NALF2: variants seen among roughly 807,000 people sequenced by gnomAD.
NALF2 encodes the protein bB57D9.1 (TED protein).
In NALF2, 1 loss-of-function variant was observed where a neutral mutation model predicts 24.8. The observed-to-expected ratio is 0.04, with a 90% CI of 0.01 to 0.19. The LOEUF is 0.19. Among genes scored for constraint, NALF2 ranks in the 10% least tolerant of loss-of-function variants. The pLI, the probability that NALF2 is intolerant of heterozygous loss-of-function variation, is 1.00. For missense variants in NALF2, 458 were observed against 409.6 expected (o/e 1.12, Z -1.02); for synonymous variants, 254 against 189.8 (o/e 1.34, Z -2.78).
chrX:69,517,280 A>G (rs1195355174), intron 1 of NALF2, among the ~76,000 whole-genome samples: 1 of 112,155 alleles, frequency 8.9e-6, no homozygotes, highest in South Asian at 3.8e-4. Context: ...GAAGCATGCT[A>G]ATCTCTTAAG....
Position 69,529,043 on chromosome X carries a change from G to T in NALF2, c.912G>T (p.Gln304His). 1 of 1,211,193 alleles carries T rather than the reference G, an allele frequency of 8.3e-7. No individual in the cohort carries two copies. The highest frequency in any genetic ancestry group is 1.1e-6 in the Non-Finnish European group (1 of 895,111). The change falls in exon 2 of 3, where the codon CAG (glutamine) becomes CAT (histidine). Residue 304 changes from glutamine (Q) to histidine (H), a missense_variant. Physicochemically the swap from Gln to His is conservative, Grantham distance 24. Coordinates refer to ENST00000252338, the MANE Select transcript of NALF2 (RefSeq NM_015686.3). ...CAGAATACTTCAGCGTGACCCAGCA[G>T]GAATGCCAGCGCTGGGTGCCCTGCA... Reference protein sequence around the residue: ...LCSEYFSVTQQECQRWVPCKQ... With the variant: ...LCSEYFSVTQHECQRWVPCKQ...
chrX:69,529,978 C>G lies in NALF2; in HGVS notation c.*22C>G, dbSNP rs1251748722. The G allele has an allele frequency of 4.5e-6, 5 of 1,111,588 alleles. No individual in the cohort carries two copies. The highest frequency in any genetic ancestry group is 6.0e-6 in the Non-Finnish European group (5 of 827,454). 91.6% of individuals were successfully genotyped at this position (1,111,588 alleles called of 1,213,427 possible). On this transcript the variant is annotated 3_prime_UTR_variant, in exon 3 of 3. Transcript: ENST00000252338. ...GTGACAGTAGGGAGGGAGGACAGAC[C>G]TCCACCACACTGACATCAGCTCCAG...
At chrX:69,506,903 G>T (rs1319802980) in intron 1 of NALF2, among the ~76,000 whole-genome samples, 1 of 112,595 alleles carries the variant, frequency 8.9e-6, no homozygotes, top group African/African-American at 3.2e-5. Flanking sequence ...TAGCTGCTGG[G>T]GATAGGTATC....
Position 69,505,111 on chromosome X carries a change from G to A in NALF2, c.-172G>A, listed in dbSNP as rs1930435600. ...CGCGGAGACGGCACCAGAGCGCCCC[G>A]CGACTCCGGCCTGAGCGGGGCATCG... On this transcript the variant is annotated 5_prime_UTR_variant, in exon 1 of 3. Transcript: ENST00000252338. The A allele has an allele frequency of 3.1e-6, 1 of 318,953 alleles. No individual in the cohort carries two copies. The highest frequency in any genetic ancestry group is 5.0e-6 in the Non-Finnish European group (1 of 199,890). The allele number at this position is 318,953 out of a possible 1,213,427, so 26.3% of individuals were successfully genotyped here.
intron 1 of NALF2, 136 bp downstream of exon 1, chrX:69,506,279 G>A: frequency 1.5e-6 from 1 of 662,383 alleles, no homozygotes; most frequent in Non-Finnish European, 2.2e-6. Flanking sequence ...CACTACCAGT[G>A]CCACCCTGGG....
intron 1 of NALF2, among the ~76,000 whole-genome samples, chrX:69,508,807 C>A (rs182214062): frequency 1.1e-4 from 12 of 112,079 alleles, no homozygotes; most frequent in Non-Finnish European, 2.1e-4. Context: ...GGGATCCCTG[C>A]GAGATGACGC....
intron 1 of NALF2, among the ~76,000 whole-genome samples, 174 bp downstream of exon 1, chrX:69,506,317 A>T (rs980095269): frequency 8.9e-6 from 1 of 112,571 alleles, no homozygotes; most frequent in African/African-American, 3.2e-5. Context: ...GGCCTCAGGG[A>T]TTCAGGTCAG....
intron 1 of NALF2, among the ~76,000 whole-genome samples, chrX:69,521,827 G>A (rs1323053127): frequency 8.9e-6 from 1 of 111,969 alleles, no homozygotes. Flanking sequence ...TCATATAGTT[G>A]TCTCCCCTGC....
intron 1 of NALF2, among the ~76,000 whole-genome samples, chrX:69,517,100 G>A: frequency 9.0e-6 from 1 of 111,448 alleles, no homozygotes; most frequent in East Asian, 2.8e-4. Context: ...GAGTATAAGA[G>A]TTTAGACACC....
At position 69,530,020 on chromosome X, in the gene NALF2, G is replaced by A; in HGVS notation, c.*64G>A. ...CAGCTCCAGCTCCCCCAGGTTGGGG[G>A]GGAGGGGGCTCCTCCCATGGGAGGT... On this transcript the variant is annotated 3_prime_UTR_variant, in exon 3 of 3. Transcript: ENST00000252338. 3.3e-6 allele frequency: 3 copies of A among 919,447 alleles called. No individual in the cohort carries two copies. The highest frequency in any genetic ancestry group is 3.0e-6 in the Non-Finnish European group (2 of 673,813). 75.8% of individuals were successfully genotyped at this position (919,447 alleles called of 1,213,427 possible).
intron 1 of NALF2, among the ~76,000 whole-genome samples, chrX:69,507,000 C>G (rs1402669141): frequency 8.9e-6 from 1 of 111,900 alleles, no homozygotes; most frequent in Non-Finnish European, 1.9e-5. Flanking sequence ...CGGGGTTGCT[C>G]TGGACAGTTA....
At chrX:69,520,255 C>T (rs1037867200) in intron 1 of NALF2, among the ~76,000 whole-genome samples, 8 of 112,180 alleles carry the variant, frequency 7.1e-5, no homozygotes, top group Non-Finnish European at 1.3e-4. Context: ...TCTCATGATA[C>T]GTGTCTGAAA....
At chrX:69,528,234 G>A (rs1424777648) in intron 1 of NALF2, among the ~76,000 whole-genome samples, 2 of 111,548 alleles carry the variant, frequency 1.8e-5, no homozygotes, top group South Asian at 3.8e-4. Flanking sequence ...TGGTAGGAGT[G>A]GACTAGATGA....
intron 1 of NALF2, among the ~76,000 whole-genome samples, chrX:69,518,437 G>A (rs927559190): frequency 1.8e-5 from 2 of 111,640 alleles, no homozygotes; most frequent in East Asian, 5.6e-4. Context: ...ATATATATGT[G>A]TATACACACA....
intron 1 of NALF2, among the ~76,000 whole-genome samples, chrX:69,522,140 ATGACCCCCTG>A (rs1462167850): frequency 8.9e-6 from 1 of 111,965 alleles, no homozygotes; most frequent in East Asian, 2.8e-4. Context: ...CTAGGACAGC[ATGACCCCCTG>A]TGACAAGGCT....
At chrX:69,521,742 G>A (rs1466350989) in intron 1 of NALF2, among the ~76,000 whole-genome samples, 1 of 112,173 alleles carries the variant, frequency 8.9e-6, no homozygotes, top group Non-Finnish European at 1.9e-5. Flanking sequence ...TGGTAAAGTT[G>A]AAAAAGTGTA....
chrX:69,525,519 CTT>C (rs1569260342), intron 1 of NALF2, among the ~76,000 whole-genome samples: 2 of 109,966 alleles, frequency 1.8e-5, no homozygotes, highest in South Asian at 4.0e-4. Context: ...CTTGCGCTCT[CTT>C]ATTCCTCTTT....
chrX:69,513,544 G>A (rs1049033164), intron 1 of NALF2, among the ~76,000 whole-genome samples: 2 of 112,413 alleles, frequency 1.8e-5, no homozygotes, highest in African/African-American at 6.5e-5. Flanking sequence ...CTACCTGGCT[G>A]ATCTGTGAAA....
chrX:69,505,936 C>G lies in NALF2; in HGVS notation c.654C>G (p.Asp218Glu). Reference sequence around the variant, plus strand: ...GCATGGACCGCCCCGACAGCCTGGACTGTAGCCTGGACACCCTGATGGGGG... The same window carrying G: ...GCATGGACCGCCCCGACAGCCTGGAGTGTAGCCTGGACACCCTGATGGGGG... ...LLGMDRPDSL[D>E]CSLDTLMGDL... Residue 218 changes from aspartate to glutamate, a missense_variant, in exon 1 of 3, where the codon GAC becomes GAG. Transcript: ENST00000252338. 8.2e-7 allele frequency: 1 copy of G among 1,212,122 alleles called. No individual in the cohort carries two copies. The highest frequency in any genetic ancestry group is 1.1e-6 in the Non-Finnish European group (1 of 895,561).
Sources: allele counts gnomAD v4.1 joint callset (sites outside exome capture counted in the v4.1 genomes callset), GRCh38; gene constraint gnomAD v4.1.1; transcripts MANE v1.5; gene names NCBI Gene and HGNC (gene_info 2026-07-23, HGNC 2026-07-21).